DGCR2: variants seen among roughly 807,000 people sequenced by gnomAD.
The protein encoded by DGCR2 is integral membrane protein DGCR2/IDD.
DGCR2 carries 24 observed loss-of-function variants against 51.6 expected under a neutral mutation model. That is an observed-to-expected ratio of 0.47 (90% CI 0.34 to 0.65). DGCR2 has a LOEUF of 0.65. Ranked by LOEUF, DGCR2 falls within the 30% of genes least tolerant of loss-of-function variation. The pLI, the probability that DGCR2 is intolerant of heterozygous loss-of-function variation, is 0.01. For synonymous variants in DGCR2, 340 were observed against 315.4 expected, an observed-to-expected ratio of 1.08 and a Z score of -0.82; for missense variants, 765 against 772.1, an observed-to-expected ratio of 0.99 and a Z score of 0.11.
At chr22:19,049,751 C>T (rs972085223) in intron 6 of DGCR2, among the ~76,000 whole-genome samples, 3 of 151,754 alleles carry the variant, frequency 2.0e-5, no homozygotes, top group South Asian at 2.1e-4. Context: ...CTCTTGAACC[C>T]CAGAGGTGTA....
chr22:19,043,449 A>G (rs2082455150), intron 7 of DGCR2, among the ~76,000 whole-genome samples: 2 of 152,186 alleles, frequency 1.3e-5, no homozygotes, highest in Admixed American at 1.3e-4. Context: ...CCAGCCACAC[A>G]TCTATAACAT....
At chr22:19,103,151 A>T (rs2083222416) in intron 1 of DGCR2, among the ~76,000 whole-genome samples, 1 of 152,194 alleles carries the variant, frequency 6.6e-6, no homozygotes, top group Non-Finnish European at 1.5e-5. Flanking sequence ...ACAAAGGACA[A>T]CATATTGTAT....
chr22:19,080,007 A>C (rs566785362), intron 2 of DGCR2, among the ~76,000 whole-genome samples: 23 of 152,240 alleles, frequency 1.5e-4, no homozygotes, highest in African/African-American at 5.5e-4. Context: ...ACGGTGGGAG[A>C]GCTAGTCTTT....
At chr22:19,039,300 C>T (rs1569032737) in intron 9 of DGCR2, among the ~76,000 whole-genome samples, 179 bp from the exon 10 acceptor site, 2 of 152,192 alleles carry the variant, frequency 1.3e-5, no homozygotes, top group African/African-American at 2.4e-5. Context: ...GCCTGCCCCA[C>T]ATGACACCTG....
chr22:19,041,691 G>A, intron 8 of DGCR2, 116 bp downstream of exon 8: 1 of 1,202,620 alleles, frequency 8.3e-7, no homozygotes, highest in South Asian at 1.5e-5. Flanking sequence ...CCCACAACAT[G>A]TGGCCTTCAA....
intron 6 of DGCR2, 84 bp from the exon 7 acceptor site, chr22:19,048,727 T>A: frequency 7.1e-7 from 1 of 1,411,578 alleles, no homozygotes; most frequent in Non-Finnish European, 9.9e-7. Flanking sequence ...CCAAAAAAGG[T>A]AGCCTCCCCG....
intron 1 of DGCR2, among the ~76,000 whole-genome samples, chr22:19,103,060 TTAAAAAAGAAATGAAA>T (rs2083220945): frequency 1.3e-5 from 2 of 152,028 alleles, no homozygotes; most frequent in Admixed American, 1.3e-4. Flanking sequence ...TTACCACAAT[TTAAAAAAGAAATGAAA>T]TACTAACACA....
At chr22:19,052,673 C>T (rs963949843) in intron 6 of DGCR2, among the ~76,000 whole-genome samples, 1 of 151,466 alleles carries the variant, frequency 6.6e-6, no homozygotes, top group African/African-American at 2.4e-5. Flanking sequence ...CCCAGTTACT[C>T]GGGAGGCTGA....
At chr22:19,106,932 C>G (rs1194493892) in intron 1 of DGCR2, among the ~76,000 whole-genome samples, 3 of 151,876 alleles carry the variant, frequency 2.0e-5, no homozygotes, top group African/African-American at 7.3e-5. Context: ...TGGGGGCTCA[C>G]TGCACAAAGC....
intron 5 of DGCR2, chr22:19,060,884 A>T: frequency 1.9e-6 from 1 of 516,400 alleles, no homozygotes; most frequent in Non-Finnish European, 3.9e-6. Context: ...CCCAACTTCA[A>T]ATGTGTGTGC....
At chr22:19,062,775 G>GCTGTCTCT (rs2082686000) in intron 5 of DGCR2, among the ~76,000 whole-genome samples, 2 of 108,858 alleles carry the variant, frequency 1.8e-5, no homozygotes, top group Non-Finnish European at 3.9e-5. Context: ...ACACATGCAT[G>GCTGTCTCT]CTCACTCTCT....
chr22:19,059,326 C>G (rs1047888581), intron 5 of DGCR2, among the ~76,000 whole-genome samples: 1 of 150,908 alleles, frequency 6.6e-6, no homozygotes, highest in Non-Finnish European at 1.5e-5. Context: ...GTGGGGGCTG[C>G]AAGACTGGTG....
chr22:19,063,516 T>TATTTA (rs1182616546), intron 4 of DGCR2, among the ~76,000 whole-genome samples: 1 of 150,496 alleles, frequency 6.6e-6, no homozygotes, highest in Admixed American at 6.6e-5. Flanking sequence ...TTTTTGTATT[T>TATTTA]TTTTTTTTTT....
chr22:19,055,632 G>A (rs560040474), intron 6 of DGCR2, among the ~76,000 whole-genome samples: 1 of 152,178 alleles, frequency 6.6e-6, no homozygotes, highest in South Asian at 2.1e-4. Context: ...CAAACTAAGA[G>A]AACCAATAAA....
At position 19,062,783 on chromosome 22, in the gene DGCR2, T is replaced by TCTCTCTCTCTCTCTCTCTCTC; in HGVS notation, c.625+398_625+418dup. ...CACACACACACATGCATGCTCACTC[T>TCTCTCTCTCTCTCTCTCTCTC]CTCTCTCTCTCTCTCTCTCTCTCTA... is the stretch of plus-strand genomic sequence containing the variant. On this transcript the variant is annotated intron_variant, in intron 5 of 9. Transcript: ENST00000263196. Among the ~76,000 whole-genome samples, 3 of 139,456 alleles carry TCTCTCTCTCTCTCTCTCTCTC rather than the reference T, an allele frequency of 2.2e-5. No homozygotes were observed. In the South Asian group the frequency reaches 7.6e-4, roughly 35 times the overall value. The allele number at this position is 139,456 out of a possible 152,430, so 91.5% of individuals were successfully genotyped here.
At chr22:19,076,996 T>C (rs2082885063) in intron 2 of DGCR2, among the ~76,000 whole-genome samples, 1 of 152,112 alleles carries the variant, frequency 6.6e-6, no homozygotes, top group Non-Finnish European at 1.5e-5. Flanking sequence ...AGTGCTGTGA[T>C]TACAGGCGTG....
chr22:19,047,005 G>A (rs1054245384), intron 7 of DGCR2: 2 of 156,048 alleles, frequency 1.3e-5, no homozygotes, highest in East Asian at 1.8e-4. Context: ...TTTGACTCTT[G>A]TAGCCAGTCA....
At chr22:19,091,184 T>C (rs2083074427) in intron 1 of DGCR2, among the ~76,000 whole-genome samples, 2 of 151,900 alleles carry the variant, frequency 1.3e-5, no homozygotes, top group African/African-American at 4.8e-5. Flanking sequence ...CATGGCAAAA[T>C]GCCATCTCTC....
At chr22:19,105,887 C>T (rs1228124342) in intron 1 of DGCR2, among the ~76,000 whole-genome samples, 1 of 152,060 alleles carries the variant, frequency 6.6e-6, no homozygotes, top group Non-Finnish European at 1.5e-5. Flanking sequence ...CACCTCTAAC[C>T]TTCCCGCAAA....
Sources: allele counts gnomAD v4.1 joint callset (sites outside exome capture counted in the v4.1 genomes callset), GRCh38; gene constraint gnomAD v4.1.1; transcripts MANE v1.5; gene names NCBI Gene and HGNC (gene_info 2026-07-23, HGNC 2026-07-21).